Variants in SPON1 observed in about 807,000 individuals in gnomAD.
SPON1 encodes the protein spondin-1.
In SPON1, 52 loss-of-function variants were observed where a neutral mutation model predicts 111.7. The observed-to-expected ratio is 0.47, with a 90% CI of 0.37 to 0.59. The LOEUF is 0.59. SPON1 is among the 20% of genes least tolerant of loss of function. The pLI, the probability that SPON1 is intolerant of heterozygous loss-of-function variation, is 0.00. For missense variants in SPON1, 957 were observed against 1,068.5 expected (o/e 0.90, Z 1.46); for synonymous variants, 410 against 395.8 (o/e 1.04, Z -0.43).
rs1159719282 is a variant in SPON1 at position 13,990,373 on chromosome 11, C to CTTTTTTTTTTTTTTTTTT, written c.345+7437_345+7454dup. On this transcript the variant is annotated intron_variant, in intron 2 of 15. Transcript: ENST00000576479. ...TCAGAGATTAGGATTGCAACTCCTGCTTTTTTTTTTTTTTTTTTTTTTTTT... is the reference window on the plus strand; with the variant it reads ...TCAGAGATTAGGATTGCAACTCCTGCTTTTTTTTTTTTTTTTTTTTTTTTTTTTTTTTTTTTTTTTTTT... 1.8e-4 allele frequency among the ~76,000 whole-genome samples: 4 copies of CTTTTTTTTTTTTTTTTTT among 21,708 alleles called. 1 individual carries two copies. The highest frequency in any genetic ancestry group is 3.0e-4 in the Non-Finnish European group (3 of 10,008). The allele number at this position is 21,708 out of a possible 152,430, so 14.2% of individuals were successfully genotyped here.
chr11:14,215,195 A>G (rs1182255026), intron 6 of SPON1, among the ~76,000 whole-genome samples: 2 of 152,162 alleles, frequency 1.3e-5, no homozygotes, highest in African/African-American at 4.8e-5. Flanking sequence ...AGCTGGGACT[A>G]CAGGTATGCA....
chr11:13,980,321 A>T (rs1319731512), intron 1 of SPON1, among the ~76,000 whole-genome samples: 2 of 152,314 alleles, frequency 1.3e-5, no homozygotes, highest in South Asian at 4.1e-4. Context: ...GATTACAGGC[A>T]TGAGCTGCCG....
intron 6 of SPON1, among the ~76,000 whole-genome samples, chr11:14,194,338 C>T (rs140865035): frequency 6.6e-6 from 1 of 152,310 alleles, no homozygotes; most frequent in East Asian, 1.9e-4. Context: ...TCCTCCATTT[C>T]CTTCAGCTCC....
intron 5 of SPON1, among the ~76,000 whole-genome samples, chr11:14,095,454 CA>C (rs1323018388): frequency 6.3e-5 from 9 of 142,782 alleles, no homozygotes; most frequent in Non-Finnish European, 1.1e-4. Flanking sequence ...ATAGATAATA[CA>C]TTTTTTTTTG....
intron 14 of SPON1, chr11:14,262,386 C>T (rs1849195781): frequency 5.6e-6 from 2 of 356,178 alleles, no homozygotes; most frequent in African/African-American, 2.1e-5. Flanking sequence ...CTATTCTGTA[C>T]TTGAGGCTGA....
intron 5 of SPON1, among the ~76,000 whole-genome samples, chr11:14,097,624 G>A (rs1034135557): frequency 5.3e-5 from 8 of 151,892 alleles, no homozygotes; most frequent in Non-Finnish European, 8.8e-5. Context: ...TGCCTAGCTG[G>A]GCATGGTGGT....
intron 3 of SPON1, among the ~76,000 whole-genome samples, chr11:14,045,725 G>A (rs1367875396): frequency 6.7e-6 from 1 of 149,590 alleles, no homozygotes; most frequent in Non-Finnish European, 1.5e-5. Flanking sequence ...GATTTATTTA[G>A]AACATATTTA....
At chr11:14,233,557 A>G (rs1848826986) in intron 6 of SPON1, among the ~76,000 whole-genome samples, 1 of 152,130 alleles carries the variant, frequency 6.6e-6, no homozygotes, top group East Asian at 1.9e-4. Context: ...CTTATTATTA[A>G]CTAATTGTTT....
rs193094986 is a variant in SPON1, at chr11:14,234,903, C to T, written c.826-8429C>T. 5.9e-5 allele frequency among the ~76,000 whole-genome samples: 9 copies of T among 152,372 alleles called. No individual in the cohort carries two copies. The East Asian group carries it at 1.7e-3, about 29-fold the overall frequency. On this transcript the variant is annotated intron_variant, in intron 6 of 15. Coordinates refer to ENST00000576479, the MANE Select transcript of SPON1 (RefSeq NM_006108.4). The stretch of plus-strand genomic sequence containing the variant: ...AATGGGCTTCAGATACTTTCTCTTG[C>T]TCTAAAATAGTTGATCAGACAGCAG...
chr11:14,208,372 T>A (rs61883837), intron 6 of SPON1, among the ~76,000 whole-genome samples: 7 of 152,258 alleles, frequency 4.6e-5, no homozygotes, highest in South Asian at 2.1e-4. Context: ...AAAAAAAAGT[T>A]GTTCCTCATT....
At chr11:14,154,638 T>A (rs4757231) in intron 6 of SPON1, among the ~76,000 whole-genome samples, 1 of 151,780 alleles carries the variant, frequency 6.6e-6, no homozygotes, top group East Asian at 1.9e-4. Flanking sequence ...TCCCATTGTC[T>A]TGGCTACTAA....
Position 14,130,522 on chromosome 11 carries a change from C to G in SPON1, c.677-4898C>G, listed in dbSNP as rs959079533. Among the ~76,000 whole-genome samples the G allele has an allele frequency of 2.0e-5, 3 of 151,924 alleles. No individual in the cohort carries two copies. The East Asian group carries it at 5.8e-4, about 30-fold the overall frequency. On this transcript the variant is annotated intron_variant, in intron 5 of 15. Transcript: ENST00000576479. Reference sequence around the variant, plus strand: ...TTGTGCTTACATAATTTAGTTAAATCTTTTGAAATTGATGAGATATGAGTG... The same window carrying G: ...TTGTGCTTACATAATTTAGTTAAATGTTTTGAAATTGATGAGATATGAGTG...
intron 3 of SPON1, among the ~76,000 whole-genome samples, chr11:14,059,566 CAG>C (rs1848774653): frequency 6.6e-6 from 1 of 152,068 alleles, no homozygotes; most frequent in African/African-American, 2.4e-5. Flanking sequence ...AAAAACAAGG[CAG>C]AGAGACCAGA....
chr11:14,096,940 GA>G (rs1554923927), intron 5 of SPON1, among the ~76,000 whole-genome samples: 1 of 152,140 alleles, frequency 6.6e-6, no homozygotes, highest in Non-Finnish European at 1.5e-5. Context: ...TATTACTATA[GA>G]ATTTTATGTT....
At chr11:14,247,385 G>A (rs781995237) in intron 7 of SPON1, among the ~76,000 whole-genome samples, 4 of 152,312 alleles carry the variant, frequency 2.6e-5, no homozygotes, top group South Asian at 2.1e-4. Context: ...GTGACAGAGC[G>A]AGACCCTGTC....
intron 5 of SPON1, among the ~76,000 whole-genome samples, chr11:14,088,915 G>T (rs7113477): frequency 6.6e-6 from 1 of 150,972 alleles, no homozygotes; most frequent in African/African-American, 2.4e-5. Flanking sequence ...TCTTCTGCTT[G>T]GTTTAGCTAT....
At chr11:14,111,198 C>G (rs541942573) in intron 5 of SPON1, among the ~76,000 whole-genome samples, 16 of 152,338 alleles carry the variant, frequency 1.1e-4, no homozygotes, top group Admixed American at 9.8e-4. Flanking sequence ...GGGCAGCAAT[C>G]ATTAGTATCT....
At chr11:14,092,308 A>G (rs1849066034) in intron 5 of SPON1, among the ~76,000 whole-genome samples, 1 of 152,212 alleles carries the variant, frequency 6.6e-6, no homozygotes, top group Admixed American at 6.5e-5. Context: ...ATGTCTTAGC[A>G]TTATTATAAA....
chr11:14,226,773 T>C lies in SPON1; in HGVS notation c.826-16559T>C, dbSNP rs140186340. 4.9e-4 allele frequency among the ~76,000 whole-genome samples: 75 copies of C among 152,300 alleles called. 1 individual carries two copies. In the East Asian group the frequency reaches 0.014, roughly 28 times the overall value. ...TTGGGGTAACACAAATTGGTTCTCT[T>C]ACAGTTCTGGAGGTTAGAAGTCCAA... On this transcript the variant is annotated intron_variant, in intron 6 of 15. Coordinates refer to ENST00000576479, the MANE Select transcript of SPON1 (RefSeq NM_006108.4).
Sources: allele counts gnomAD v4.1 joint callset (sites outside exome capture counted in the v4.1 genomes callset), GRCh38; gene constraint gnomAD v4.1.1; transcripts MANE v1.5; gene names NCBI Gene and HGNC (gene_info 2026-07-23, HGNC 2026-07-21).